The following ACOT7 variants were observed in gnomAD, a reference collection of about 807,000 sequenced individuals.
The protein encoded by ACOT7 is acyl-CoA thioesterase 7.
Under a neutral mutation model 40.2 loss-of-function variants are expected in ACOT7, and 12 were observed. The ratio of observed to expected loss-of-function variants is 0.30; its 90% CI spans 0.19 to 0.48. The LOEUF (loss-of-function observed/expected upper bound fraction) is 0.48, where lower values mean the gene tolerates loss of function less well. ACOT7 is among the 20% of genes least tolerant of loss of function. ACOT7 has a pLI of 0.99. For missense variants in ACOT7, 395 were observed against 530.8 expected (o/e 0.74, Z 2.51); for synonymous variants, 228 against 219.5 (o/e 1.04, Z -0.34).
intron 2 of ACOT7, 90 bp from the exon 3 acceptor site, chr1:6,339,679 CCTTTG>C: frequency 6.7e-7 from 1 of 1,490,186 alleles, no homozygotes; most frequent in Non-Finnish European, 9.0e-7. Context: ...ACGGTCTTTG[CCTTTG>C]CTTTCATTCC....
chr1:6,391,709 C>T (rs1202024205), intron 1 of ACOT7, among the ~76,000 whole-genome samples: 4 of 152,176 alleles, frequency 2.6e-5, no homozygotes, highest in African/African-American at 9.7e-5. Flanking sequence ...GTCCCTGGAT[C>T]TCCTGGAGCA....
intron 1 of ACOT7, among the ~76,000 whole-genome samples, chr1:6,353,214 G>C (rs1463100752): frequency 6.6e-6 from 1 of 152,042 alleles, no homozygotes; most frequent in Admixed American, 6.6e-5. Flanking sequence ...GGCTACTAGG[G>C]AGGCTGAGGT....
intron 2 of ACOT7, 33 bp from the exon 3 acceptor site, chr1:6,339,622 C>T (rs1269265586): frequency 6.2e-7 from 1 of 1,602,396 alleles, no homozygotes; most frequent in South Asian, 1.1e-5. Context: ...CAGCCCAGGT[C>T]AGCCAGCCCA....
Position 6,285,186 on chromosome 1 carries a change from T to A in ACOT7, c.830-3900A>T, listed in dbSNP as rs192768643. On this transcript the variant is annotated intron_variant, in intron 7 of 8. Transcript: ENST00000361521. ...GGACCCACGAGGGCTGGGGTGTGGGTCACATGTGGACACCAGGTCACCACA... is the reference window on the plus strand; with the variant it reads ...GGACCCACGAGGGCTGGGGTGTGGGACACATGTGGACACCAGGTCACCACA... Among the ~76,000 whole-genome samples, 8 of 152,176 alleles carry A rather than the reference T, an allele frequency of 5.3e-5. No individual in the cohort carries two copies. The East Asian group carries it at 1.5e-3, about 29-fold the overall frequency.
chr1:6,276,091 C>T (rs1408951501), intron 8 of ACOT7, among the ~76,000 whole-genome samples: 1 of 152,148 alleles, frequency 6.6e-6, no homozygotes, highest in African/African-American at 2.4e-5. Context: ...CCTCACCCCG[C>T]CCTGTCTACA....
At chr1:6,280,228 C>G (rs1477534969) in intron 8 of ACOT7, among the ~76,000 whole-genome samples, 1 of 152,258 alleles carries the variant, frequency 6.6e-6, no homozygotes, top group African/African-American at 2.4e-5. Flanking sequence ...GAAGCTCCTA[C>G]AGCTCTGCTT....
rs149555747 is a variant in ACOT7, at chr1:6,265,498, T to C, written c.1015-803A>G. ...GACCCCAGGGACCCCATCTCATTGG[T>C]CTGGGGGCAGAGCCAACTGAACAGG... On this transcript the variant is annotated intron_variant, in intron 8 of 8. Coordinates refer to ENST00000361521, the MANE Select transcript of ACOT7 (RefSeq NM_007274.4). Among the ~76,000 whole-genome samples, 1,334 of 152,298 alleles carry C rather than the reference T, an allele frequency of 8.8e-3. 16 individuals are homozygous for C. Among genetic ancestry groups the C allele is most frequent in the African/African-American group, 0.031 (1,270 of 41,562 alleles).
intron 7 of ACOT7, among the ~76,000 whole-genome samples, chr1:6,290,320 C>G (rs1165201730): frequency 6.6e-6 from 1 of 152,230 alleles, no homozygotes; most frequent in Non-Finnish European, 1.5e-5. Flanking sequence ...CCCCAGGAAA[C>G]TCATGGAGGC....
At chr1:6,336,935 G>A (rs1197889978) in intron 3 of ACOT7, among the ~76,000 whole-genome samples, 2 of 152,178 alleles carry the variant, frequency 1.3e-5, no homozygotes, top group East Asian at 1.9e-4. Flanking sequence ...AGCGGGCTCC[G>A]GGGCCTGACC....
At chr1:6,309,910 C>T (rs1199125721) in intron 6 of ACOT7, among the ~76,000 whole-genome samples, 1 of 152,170 alleles carries the variant, frequency 6.6e-6, no homozygotes, top group African/African-American at 2.4e-5. Context: ...TAAATGCCTC[C>T]CATGTGCTGC....
chr1:6,331,014 G>A (rs910056493), intron 4 of ACOT7, among the ~76,000 whole-genome samples: 1 of 152,180 alleles, frequency 6.6e-6, no homozygotes, highest in African/African-American at 2.4e-5. Context: ...GGGTGGGTGT[G>A]CTTGCAATTC....
At chr1:6,318,143 C>A (rs1178324983) in intron 6 of ACOT7, among the ~76,000 whole-genome samples, 1 of 152,224 alleles carries the variant, frequency 6.6e-6, no homozygotes. Flanking sequence ...GCAACTTCGA[C>A]CTCCTGGGCT....
At position 6,313,521 on chromosome 1, in the gene ACOT7, A is replaced by C. The variant is rs1380743509; in HGVS notation, c.712+4971T>G. Among the ~76,000 whole-genome samples the C allele has an allele frequency of 7.9e-5, 12 of 152,358 alleles. No homozygotes were observed. In the East Asian group the frequency reaches 2.1e-3, roughly 27 times the overall value. On this transcript the variant is annotated intron_variant, in intron 6 of 8. Transcript: ENST00000361521. Reference sequence around the variant, plus strand: ...CCCTCTAGGCCCCATGACAGAGACTATCTCTTCCTTCATCAGTCACTCCAA... The same window carrying C: ...CCCTCTAGGCCCCATGACAGAGACTCTCTCTTCCTTCATCAGTCACTCCAA...
chr1:6,305,055 G>A (rs1426251635), intron 6 of ACOT7, among the ~76,000 whole-genome samples: 2 of 149,278 alleles, frequency 1.3e-5, no homozygotes, highest in Non-Finnish European at 3.0e-5. Flanking sequence ...CAGATGGGGC[G>A]GCTGGCCGGG....
At chr1:6,348,064 T>C (rs1641482039) in intron 2 of ACOT7, among the ~76,000 whole-genome samples, 1 of 152,080 alleles carries the variant, frequency 6.6e-6, no homozygotes, top group African/African-American at 2.4e-5. Context: ...GACTTGGCCC[T>C]CACCCCTGCC....
intron 6 of ACOT7, among the ~76,000 whole-genome samples, chr1:6,317,129 A>G (rs1640517489): frequency 1.3e-5 from 2 of 152,220 alleles, no homozygotes; most frequent in African/African-American, 4.8e-5. Flanking sequence ...ACAGATGAAT[A>G]GCTCAGTACA....
intron 1 of ACOT7, among the ~76,000 whole-genome samples, chr1:6,382,521 G>A (rs922177753): frequency 2.0e-5 from 3 of 151,720 alleles, no homozygotes; most frequent in East Asian, 3.9e-4. Flanking sequence ...CTACAAATAC[G>A]TATATGGTAG....
chr1:6,385,440 AGTCGGC>A, intron 1 of ACOT7: 1 of 1,562,164 alleles, frequency 6.4e-7, no homozygotes, highest in Non-Finnish European at 8.7e-7. Flanking sequence ...CTGGCTGCCC[AGTCGGC>A]GTCGCAAGTG....
At chr1:6,264,723 G>A (rs759822992) in intron 8 of ACOT7, 28 bp from the exon 9 acceptor site, 1 of 1,609,070 alleles carries the variant, frequency 6.2e-7, no homozygotes, top group Admixed American at 1.7e-5. Flanking sequence ...AGACAGGCAG[G>A]TTAGGGTCAC....
Sources: gnomAD v4.1 joint callset for allele counts (sites outside exome capture counted in the v4.1 genomes callset) on GRCh38, gnomAD v4.1.1 for gene constraint, MANE v1.5 for transcripts, NCBI Gene and HGNC (gene_info 2026-07-23, HGNC 2026-07-21) for gene names.